The following PAX3 variants were observed in gnomAD, a reference collection of about 807,000 sequenced individuals.
PAX3 encodes paired box 3.
A neutral mutation model predicts 51.6 loss-of-function variants in PAX3; 14 were observed. That is an observed-to-expected ratio of 0.27 (90% CI 0.18 to 0.42). The LOEUF (loss-of-function observed/expected upper bound fraction) is 0.42. Among genes scored for constraint, PAX3 ranks in the 10% least tolerant of loss-of-function variants. The probability of loss-of-function intolerance (pLI) is 1.00; values close to 1 mark genes in which losing one functional copy is unlikely to be tolerated. For synonymous variants in PAX3, 280 were observed against 253.4 expected (o/e 1.11, Z -1.00); for missense variants, 540 against 642.8 (o/e 0.84, Z 1.73).
intron 4 of PAX3, among the ~76,000 whole-genome samples, chr2:222,281,418 G>T (rs1181574600): frequency 2.0e-5 from 3 of 152,188 alleles, no homozygotes; most frequent in Admixed American, 1.3e-4. Flanking sequence ...CAAAGGGGCT[G>T]CTCTCCCCAG....
intron 4 of PAX3, among the ~76,000 whole-genome samples, chr2:222,290,049 G>T (rs528341826): frequency 6.6e-6 from 1 of 152,060 alleles, no homozygotes; most frequent in South Asian, 2.1e-4. Flanking sequence ...TTCGTCCCCC[G>T]CCTTCCCCTC....
At chr2:222,239,464 G>C (rs1321415903) in intron 4 of PAX3, among the ~76,000 whole-genome samples, 1 of 152,086 alleles carries the variant, frequency 6.6e-6, no homozygotes, top group African/African-American at 2.4e-5. Flanking sequence ...AGTAATCAGC[G>C]ATGTTATTTT....
intron 5 of PAX3, chr2:222,221,632 T>C: frequency 4.3e-6 from 2 of 465,216 alleles, no homozygotes; most frequent in South Asian, 2.1e-5. Flanking sequence ...ATGAACCTTA[T>C]GAGGACCATG....
chr2:222,255,195 A>G (rs1693593830), intron 4 of PAX3, among the ~76,000 whole-genome samples: 1 of 152,202 alleles, frequency 6.6e-6, no homozygotes, highest in Non-Finnish European at 1.5e-5. Context: ...AGTGGGGAAG[A>G]TAATGTGCAG....
chr2:222,295,025 C>A (rs892264584), intron 3 of PAX3, among the ~76,000 whole-genome samples: 2 of 152,134 alleles, frequency 1.3e-5, no homozygotes, highest in African/African-American at 4.8e-5. Context: ...CTCTCGCTGG[C>A]CCCGTGCTTG....
chr2:222,259,324 G>A (rs1352455926), intron 4 of PAX3, among the ~76,000 whole-genome samples: 1 of 152,138 alleles, frequency 6.6e-6, no homozygotes, highest in African/African-American at 2.4e-5. Context: ...TTAATTCCTG[G>A]AATCATATGA....
At chr2:222,240,984 T>A (rs1692992574) in intron 4 of PAX3, among the ~76,000 whole-genome samples, 1 of 152,170 alleles carries the variant, frequency 6.6e-6, no homozygotes, top group Non-Finnish European at 1.5e-5. Flanking sequence ...AATTAATTAA[T>A]CAGCTAACAG....
chr2:222,230,026 A>T (rs1692526638), intron 5 of PAX3, among the ~76,000 whole-genome samples: 1 of 152,050 alleles, frequency 6.6e-6, no homozygotes. Flanking sequence ...TCTTCAAAAA[A>T]TTATCCAGGC....
At chr2:222,209,812 G>A (rs1691656525) in intron 7 of PAX3, among the ~76,000 whole-genome samples, 1 of 146,970 alleles carries the variant, frequency 6.8e-6, no homozygotes, top group South Asian at 2.2e-4. Context: ...AATCACCTGA[G>A]CCCAGGAAGT....
At position 222,223,844 on chromosome 2, in the gene PAX3, G is replaced by A. The variant is rs1008080501; in HGVS notation, c.793-2457C>T. Among the ~76,000 whole-genome samples, 3 of 152,240 alleles carry A rather than the reference G, an allele frequency of 2.0e-5. No homozygotes were observed. The East Asian group carries it at 5.8e-4, about 29-fold the overall frequency. ...CTCAGAAAGGTACGCTTCGGTTTTTGTCAGATTTGTTGGCAATCTCTCTGT... is the reference window on the plus strand; with the variant it reads ...CTCAGAAAGGTACGCTTCGGTTTTTATCAGATTTGTTGGCAATCTCTCTGT... On this transcript the variant is annotated intron_variant, in intron 5 of 8. Transcript: ENST00000392070.
chr2:222,289,854 T>A (rs1694966219), intron 4 of PAX3, among the ~76,000 whole-genome samples: 1 of 152,216 alleles, frequency 6.6e-6, no homozygotes. Context: ...TGATATTTCT[T>A]TGCTGAGTTT....
chr2:222,254,151 T>A (rs1693546664), intron 4 of PAX3, among the ~76,000 whole-genome samples: 1 of 151,872 alleles, frequency 6.6e-6, no homozygotes, highest in Non-Finnish European at 1.5e-5. Flanking sequence ...ATTGCAAATT[T>A]TTTTTTTAAA....
intron 4 of PAX3, among the ~76,000 whole-genome samples, chr2:222,272,697 C>A (rs903818323): frequency 6.6e-6 from 1 of 152,314 alleles, no homozygotes; most frequent in Non-Finnish European, 1.5e-5. Flanking sequence ...TTTATTTACA[C>A]AAAGTCCTTC....
intron 4 of PAX3, among the ~76,000 whole-genome samples, chr2:222,251,982 C>T (rs114552703): frequency 0.011 from 1,729 of 152,202 alleles, 37 homozygotes; most frequent in African/African-American, 0.037. Flanking sequence ...ACCTCCAAAT[C>T]GAAGATGTAA....
At chr2:222,289,275 C>A (rs767992724) in intron 4 of PAX3, among the ~76,000 whole-genome samples, 1 of 152,170 alleles carries the variant, frequency 6.6e-6, no homozygotes, top group Non-Finnish European at 1.5e-5. Context: ...ACTGTTGCAG[C>A]TTTTCATTTT....
chr2:222,262,659 G>A (rs1280312478), intron 4 of PAX3: 1 of 151,534 alleles, frequency 6.6e-6, no homozygotes, highest in Non-Finnish European at 1.5e-5. Flanking sequence ...GACAAACAGA[G>A]GACTAGAATA....
In PAX3 at chr2:222,295,120, G is replaced by C. The variant is rs45510594; in HGVS notation, c.451+408C>G. On this transcript the variant is annotated intron_variant, in intron 3 of 8. Transcript: ENST00000392070. Reference sequence around the variant, plus strand: ...GAGACTCTCGGAGGAAATCGGGGCCGTTGTGGAAGCCTCCACGGCTTTGCG... The same window carrying C: ...GAGACTCTCGGAGGAAATCGGGGCCCTTGTGGAAGCCTCCACGGCTTTGCG... Among the ~76,000 whole-genome samples the C allele has an allele frequency of 1.6e-3, 251 of 152,226 alleles. 2 individuals carry two copies. Among genetic ancestry groups the C allele is most frequent in the Middle Eastern group, 0.01 (3 of 294 alleles).
chr2:222,231,291 G>A (rs1477212540), intron 5 of PAX3, among the ~76,000 whole-genome samples: 1 of 152,178 alleles, frequency 6.6e-6, no homozygotes, highest in Non-Finnish European at 1.5e-5. Flanking sequence ...GGGTGGTGAG[G>A]AGTTCGAGGA....
At chr2:222,261,737 C>A (rs945942651) in intron 4 of PAX3, among the ~76,000 whole-genome samples, 24 of 152,084 alleles carry the variant, frequency 1.6e-4, no homozygotes, top group Non-Finnish European at 2.4e-4. Flanking sequence ...TGCACATTTG[C>A]AAATGCTTTT....
Sources: allele counts gnomAD v4.1 joint callset (sites outside exome capture counted in the v4.1 genomes callset), GRCh38; gene constraint gnomAD v4.1.1; transcripts MANE v1.5; gene names NCBI Gene and HGNC (gene_info 2026-07-23, HGNC 2026-07-21).